RBBP5: variants seen among roughly 807,000 people sequenced by gnomAD.
RBBP5 encodes retinoblastoma-binding protein 5.
A neutral mutation model predicts 72.2 loss-of-function variants in RBBP5; 5 were observed. That is an observed-to-expected ratio of 0.07 (90% CI 0.04 to 0.15). The LOEUF (loss-of-function observed/expected upper bound fraction) is 0.15, where lower values mean the gene tolerates loss of function less well. RBBP5 is among the 10% of genes least tolerant of loss of function. The pLI, the probability that RBBP5 is intolerant of heterozygous loss-of-function variation, is 1.00. For synonymous variants in RBBP5, 209 were observed against 237.2 expected, an observed-to-expected ratio of 0.88 and a Z score of 1.09; for missense variants, 322 against 652.2, an observed-to-expected ratio of 0.49 and a Z score of 5.51.
Position 205,104,974 on chromosome 1 carries a change from G to C in RBBP5, c.359+54C>G, listed in dbSNP as rs187720047. 1.8e-4 allele frequency: 289 copies of C among 1,572,322 alleles called. 1 individual carries two copies. The African/African-American group carries it at 3.4e-3, about 18-fold the overall frequency. On this transcript the variant is annotated intron_variant, in intron 4 of 13. Coordinates refer to ENST00000264515, the MANE Select transcript of RBBP5 (RefSeq NM_005057.4). Reference sequence around the variant, plus strand: ...AAACTAAAATTATCATGAGCCCAGAGCTAATCCATATAGAATTAGACCCCA... The same window carrying C: ...AAACTAAAATTATCATGAGCCCAGACCTAATCCATATAGAATTAGACCCCA...
chr1:205,093,475 AAAAAATATATATATATATATATAT>A (rs1449408019), intron 13 of RBBP5, among the ~76,000 whole-genome samples: 6 of 8,662 alleles, frequency 6.9e-4, no homozygotes, highest in African/African-American at 1.5e-3. Context: ...AAAAAAAAAA[AAAAAATATATATATATATATATAT>A]ATATATATAT....
At chr1:205,097,515 C>A in intron 10 of RBBP5, 120 bp from the exon 11 acceptor site, 1 of 907,660 alleles carries the variant, frequency 1.1e-6, no homozygotes, top group South Asian at 1.5e-5. Context: ...CCAAACAGTT[C>A]ACTTCACTTA....
intron 3 of RBBP5, 136 bp from the exon 4 acceptor site, chr1:205,105,304 C>A: frequency 1.1e-6 from 1 of 922,528 alleles, no homozygotes; most frequent in Non-Finnish European, 1.6e-6. Flanking sequence ...CACGTATACT[C>A]AAATCCATAA....
At chr1:205,113,604 T>G (rs1261014497) in intron 3 of RBBP5, among the ~76,000 whole-genome samples, 1 of 151,944 alleles carries the variant, frequency 6.6e-6, no homozygotes. Flanking sequence ...GTTGCACAAC[T>G]CTGAATATAT....
chr1:205,109,319 C>A (rs2102311281), intron 3 of RBBP5, among the ~76,000 whole-genome samples: 2 of 151,220 alleles, frequency 1.3e-5, no homozygotes, highest in Middle Eastern at 3.4e-3. Flanking sequence ...TAACAGGAAA[C>A]CCAATTTCTG....
intron 13 of RBBP5, among the ~76,000 whole-genome samples, chr1:205,093,291 C>T (rs1225539960): frequency 6.7e-6 from 1 of 149,738 alleles, no homozygotes; most frequent in Non-Finnish European, 1.5e-5. Context: ...GAAACCCCGT[C>T]TCTACTAAAA....
rs563961093 is a variant in RBBP5 at position 205,088,482 on chromosome 1, G to GTATC, written c.*301_*304dup. 23 of 345,628 alleles carry GTATC rather than the reference G, an allele frequency of 6.7e-5. 1 individual carries two copies. In the East Asian group the frequency reaches 1.4e-3, roughly 21 times the overall value. 21.4% of individuals were successfully genotyped at this position (345,628 alleles called of 1,614,324 possible). A position where few individuals can be genotyped will look rare whatever the true frequency, so the allele number is the denominator to read the frequency against. ...ATGAAGTTAGATGAGCAAAACATAAGTATCTTTTCTCCAGCAACATAACTA... is the reference window on the plus strand; with the variant it reads ...ATGAAGTTAGATGAGCAAAACATAAGTATCTATCTTTTCTCCAGCAACATAACTA... On this transcript the variant is annotated 3_prime_UTR_variant, in exon 14 of 14. Transcript: ENST00000264515.
chr1:205,092,950 T>C (rs1421707510), intron 13 of RBBP5, among the ~76,000 whole-genome samples: 1 of 152,208 alleles, frequency 6.6e-6, no homozygotes, highest in African/African-American at 2.4e-5. Context: ...TGTCCTAAAG[T>C]GTTTTAATTA....
intron 3 of RBBP5, among the ~76,000 whole-genome samples, chr1:205,109,251 G>C (rs1251172349): frequency 6.6e-6 from 1 of 152,174 alleles, no homozygotes; most frequent in Non-Finnish European, 1.5e-5. Flanking sequence ...ATGATGATAG[G>C]AGGGTAAAAG....
In RBBP5 at chr1:205,109,741, C is replaced by G. The variant is rs142330468; in HGVS notation, c.219-4573G>C. Among the ~76,000 whole-genome samples the G allele has an allele frequency of 1.1e-3, 165 of 152,190 alleles. 1 individual carries two copies. Among genetic ancestry groups the G allele is most frequent in the African/African-American group, 3.7e-3 (155 of 41,536 alleles). Reference sequence around the variant, plus strand: ...TATTCTTCAATTCCAAATTCCATAACCTCAAGAATTAGGAATTATACTTTT... The same window carrying G: ...TATTCTTCAATTCCAAATTCCATAAGCTCAAGAATTAGGAATTATACTTTT... On this transcript the variant is annotated intron_variant, in intron 3 of 13. Transcript: ENST00000264515.
At chr1:205,100,814 G>C (rs1655789021) in intron 6 of RBBP5, among the ~76,000 whole-genome samples, 1 of 152,042 alleles carries the variant, frequency 6.6e-6, no homozygotes, top group South Asian at 2.1e-4. Context: ...TTGGCACCAG[G>C]GACTGGTTTT....
intron 3 of RBBP5, among the ~76,000 whole-genome samples, chr1:205,106,430 T>C (rs1392329997): frequency 6.6e-6 from 1 of 152,134 alleles, no homozygotes; most frequent in African/African-American, 2.4e-5. Flanking sequence ...CTCCGTTGTC[T>C]ACTAAAAATA....
intron 13 of RBBP5, among the ~76,000 whole-genome samples, 159 bp from the exon 14 acceptor site, chr1:205,088,974 T>C (rs1254574107): frequency 6.6e-6 from 1 of 152,190 alleles, no homozygotes; most frequent in Non-Finnish European, 1.5e-5. Context: ...AACTCCCAAT[T>C]ACTCTTTATT....
intron 1 of RBBP5, among the ~76,000 whole-genome samples, chr1:205,117,816 A>G (rs1369241991): frequency 6.6e-6 from 1 of 151,854 alleles, no homozygotes; most frequent in African/African-American, 2.4e-5. Context: ...ATATCCATAT[A>G]TATATTTATT....
At chr1:205,092,831 C>T (rs1655403567) in intron 13 of RBBP5, among the ~76,000 whole-genome samples, 1 of 152,230 alleles carries the variant, frequency 6.6e-6, no homozygotes, top group Non-Finnish European at 1.5e-5. Flanking sequence ...ATCCTTCTGC[C>T]TCAACCTCCC....
At chr1:205,102,824 T>A (rs1655892227) in intron 5 of RBBP5, among the ~76,000 whole-genome samples, 2 of 151,934 alleles carry the variant, frequency 1.3e-5, no homozygotes, top group African/African-American at 2.4e-5. Flanking sequence ...AGAGACCCCG[T>A]CTCTACTAAA....
intron 4 of RBBP5, among the ~76,000 whole-genome samples, 163 bp downstream of exon 4, chr1:205,104,865 A>G (rs1307030136): frequency 1.3e-5 from 2 of 151,992 alleles, no homozygotes; most frequent in Non-Finnish European, 2.9e-5. Flanking sequence ...AAAGAAAGAA[A>G]TGTATTCAGT....
Position 205,093,558 on chromosome 1 carries a change from A to G in RBBP5, c.1588+1315T>C, listed in dbSNP as rs148118366. ...TACACACACACACACACACACACACACACACACACACAGCATTATATGTAT... is the reference window on the plus strand; with the variant it reads ...TACACACACACACACACACACACACGCACACACACACAGCATTATATGTAT... On this transcript the variant is annotated intron_variant, in intron 13 of 13. Coordinates refer to ENST00000264515, the MANE Select transcript of RBBP5 (RefSeq NM_005057.4). Among the ~76,000 whole-genome samples the G allele has an allele frequency of 3.1e-4, 36 of 115,946 alleles. 2 individuals are homozygous for G. Among genetic ancestry groups the G allele is most frequent in the South Asian group, 9.4e-4 (3 of 3,192 alleles). 76.1% of individuals were successfully genotyped at this position (115,946 alleles called of 152,430 possible).
chr1:205,090,099 C>A (rs1655284484), intron 13 of RBBP5, among the ~76,000 whole-genome samples: 1 of 152,166 alleles, frequency 6.6e-6, no homozygotes, highest in Admixed American at 6.5e-5. Flanking sequence ...AGTGATCCAC[C>A]CGCCTCGGAC....
Sources: gnomAD v4.1 joint callset for allele counts (sites outside exome capture counted in the v4.1 genomes callset) on GRCh38, gnomAD v4.1.1 for gene constraint, MANE v1.5 for transcripts, NCBI Gene and HGNC (gene_info 2026-07-23, HGNC 2026-07-21) for gene names.